Variants in RASGRF2 observed in about 807,000 individuals in gnomAD.
RASGRF2 encodes ras-specific guanine nucleotide-releasing factor 2.
In RASGRF2, 76 loss-of-function variants were observed where a neutral mutation model predicts 151.0. The ratio of observed to expected loss-of-function variants is 0.50; its 90% CI spans 0.42 to 0.61. The LOEUF is 0.61. RASGRF2 is among the 20% of genes least tolerant of loss of function. The pLI is 0.00. For missense variants in RASGRF2, 1,148 were observed against 1,564.6 expected (o/e 0.73, Z 4.49); for synonymous variants, 504 against 566.5 (o/e 0.89, Z 1.57).
At chr5:81,052,483 T>A (rs934831843) in intron 2 of RASGRF2, among the ~76,000 whole-genome samples, 3 of 152,166 alleles carry the variant, frequency 2.0e-5, no homozygotes, top group African/African-American at 7.2e-5. Flanking sequence ...AGTCTTTAAT[T>A]TTTGTTCCTC....
At chr5:81,066,112 G>A (rs144377942) in intron 2 of RASGRF2, among the ~76,000 whole-genome samples, 39 of 152,134 alleles carry the variant, frequency 2.6e-4, no homozygotes, top group Middle Eastern at 3.4e-3. Flanking sequence ...GATGAGAAAG[G>A]CAGAATTTTT....
At chr5:80,978,694 G>A (rs1002390304) in intron 1 of RASGRF2, among the ~76,000 whole-genome samples, 22 of 152,130 alleles carry the variant, frequency 1.4e-4, no homozygotes, top group African/African-American at 4.8e-4. Flanking sequence ...GGCTGAGGTG[G>A]GAGAATCACG....
chr5:81,166,487 C>T (rs1427939986), intron 17 of RASGRF2, among the ~76,000 whole-genome samples: 5 of 152,144 alleles, frequency 3.3e-5, no homozygotes, highest in Non-Finnish European at 5.9e-5. Context: ...AGCACCTGGC[C>T]GTGAACTTTA....
chr5:81,094,513 C>T (rs865971206), intron 11 of RASGRF2, 151 bp downstream of exon 11: 1 of 757,326 alleles, frequency 1.3e-6, no homozygotes, highest in South Asian at 2.0e-5. Flanking sequence ...TCACATTTTA[C>T]TGAATTTGTT....
intron 26 of RASGRF2, among the ~76,000 whole-genome samples, chr5:81,222,596 G>A (rs1755878611): frequency 6.6e-6 from 1 of 152,176 alleles, no homozygotes; most frequent in Admixed American, 6.5e-5. Context: ...ATTTATTTGT[G>A]TGATTATGTG....
chr5:81,087,733 A>G (rs1426009175), intron 9 of RASGRF2: 1 of 264,760 alleles, frequency 3.8e-6, no homozygotes, highest in Non-Finnish European at 7.2e-6. Flanking sequence ...ATTTGAGACA[A>G]TATATTGCAC....
At chr5:81,218,083 C>G (rs892467627) in intron 25 of RASGRF2, among the ~76,000 whole-genome samples, 2 of 152,056 alleles carry the variant, frequency 1.3e-5, no homozygotes, top group Admixed American at 6.6e-5. Flanking sequence ...GGGGTTTCAC[C>G]ATGTTGGCCA....
intron 26 of RASGRF2, among the ~76,000 whole-genome samples, chr5:81,224,436 G>A (rs1442758075): frequency 1.3e-5 from 2 of 152,188 alleles, no homozygotes; most frequent in African/African-American, 4.8e-5. Context: ...TTGTTGGTGA[G>A]AATAAAATCG....
chr5:80,974,653 G>A (rs573994344), intron 1 of RASGRF2, among the ~76,000 whole-genome samples: 1 of 137,588 alleles, frequency 7.3e-6, no homozygotes, highest in East Asian at 3.0e-4. Context: ...CATTCGACAA[G>A]CAAGGAGGTG....
intron 8 of RASGRF2, 141 bp from the exon 9 acceptor site, chr5:81,086,694 G>A (rs1752236832): frequency 1.5e-6 from 1 of 662,822 alleles, no homozygotes; most frequent in South Asian, 1.9e-5. Flanking sequence ...AGCCTGGAAA[G>A]ATCCAGCCTA....
At chr5:81,200,301 G>A (rs115078214) in intron 18 of RASGRF2, among the ~76,000 whole-genome samples, 4,176 of 151,424 alleles carry the variant, frequency 0.028, 98 homozygotes, top group Middle Eastern at 0.055. Context: ...AAGAAGAATA[G>A]TTTTATTTTC....
intron 17 of RASGRF2, among the ~76,000 whole-genome samples, chr5:81,146,673 G>A (rs190822844): frequency 2.0e-5 from 3 of 152,182 alleles, no homozygotes; most frequent in Admixed American, 6.5e-5. Context: ...GTCGGGGTGC[G>A]GCAGAGGGTG....
In RASGRF2 at chr5:81,127,094, C is replaced by T. The variant is rs757739103; in HGVS notation, c.2617C>T (p.His873Tyr). The change falls in exon 17 of 27, where the codon CAC (histidine) becomes TAC (tyrosine). Residue 873 changes from histidine (H) to tyrosine (Y), a missense_variant. By Grantham distance (83) the His-to-Tyr change is moderately conservative (BLOSUM62 2). This residue lies in a region of RASGRF2 where 646 missense variants were observed against 807.4 expected (regional missense o/e 0.80). Coordinates refer to ENST00000265080, the MANE Select transcript of RASGRF2 (RefSeq NM_006909.3). ...QPGGQTADNAHCSVSPASAFA... is the reference protein window; with the variant it reads ...QPGGQTADNAYCSVSPASAFA... ...ACCAGGACAGACGGCGGACAATGCCCACTGCTCTGTTTCACCGGCTTCTGC... is the reference window on the plus strand; with the variant it reads ...ACCAGGACAGACGGCGGACAATGCCTACTGCTCTGTTTCACCGGCTTCTGC... 6.2e-7 allele frequency: 1 copy of T among 1,614,054 alleles called. No individual in the cohort carries two copies. The highest frequency in any genetic ancestry group is 8.5e-7 in the Non-Finnish European group (1 of 1,179,968).
intron 26 of RASGRF2, among the ~76,000 whole-genome samples, chr5:81,220,345 T>C (rs536494592): frequency 4.6e-5 from 7 of 152,294 alleles, no homozygotes; most frequent in African/African-American, 1.4e-4. Context: ...AGACTTTACT[T>C]TTTTAGAATA....
At chr5:81,125,250 T>G (rs1245718536) in intron 16 of RASGRF2, among the ~76,000 whole-genome samples, 1 of 152,112 alleles carries the variant, frequency 6.6e-6, no homozygotes, top group African/African-American at 2.4e-5. Context: ...AAAGGTAAAG[T>G]ATATGGCTCC....
At chr5:81,107,659 T>A (rs1464702557) in intron 12 of RASGRF2, among the ~76,000 whole-genome samples, 3 of 152,250 alleles carry the variant, frequency 2.0e-5, no homozygotes, top group Admixed American at 6.5e-5. Flanking sequence ...AAATCATCTC[T>A]GATTTTCTCA....
At chr5:80,978,506 G>C (rs577549133) in intron 1 of RASGRF2, among the ~76,000 whole-genome samples, 26 of 152,350 alleles carry the variant, frequency 1.7e-4, no homozygotes, top group African/African-American at 6.3e-4. Flanking sequence ...GACAAGGCCA[G>C]GCACAGTGGC....
At chr5:81,152,059 T>C (rs866085113) in intron 17 of RASGRF2, among the ~76,000 whole-genome samples, 13 of 152,280 alleles carry the variant, frequency 8.5e-5, no homozygotes, top group Middle Eastern at 3.4e-3. Flanking sequence ...TGGAGTGCAG[T>C]GGCACGATCT....
intron 2 of RASGRF2, among the ~76,000 whole-genome samples, chr5:81,067,204 T>G (rs1751634119): frequency 6.6e-6 from 1 of 152,164 alleles, no homozygotes; most frequent in Non-Finnish European, 1.5e-5. Context: ...CTATATCCTA[T>G]GCACTCAATA....
Sources: allele counts gnomAD v4.1 joint callset (sites outside exome capture counted in the v4.1 genomes callset), GRCh38; gene constraint gnomAD v4.1.1; regional missense constraint gnomAD v4.1.1; transcripts MANE v1.5; gene names NCBI Gene and HGNC (gene_info 2026-07-23, HGNC 2026-07-21).